Variants in CXADR observed in about 807,000 individuals in gnomAD.
CXADR encodes CXADR cell adhesion molecule, also known as coxsackievirus and adenovirus receptor.
A neutral mutation model predicts 40.3 loss-of-function variants in CXADR; 20 were observed. That is an observed-to-expected ratio of 0.50 (90% CI 0.35 to 0.72). CXADR has a LOEUF of 0.72. Ranked by LOEUF, CXADR falls within the 30% of genes least tolerant of loss-of-function variation. The pLI, the probability that CXADR is intolerant of heterozygous loss-of-function variation, is 0.01. For synonymous variants in CXADR, 150 were observed against 161.3 expected, an observed-to-expected ratio of 0.93 and a Z score of 0.53; for missense variants, 332 against 449.1, an observed-to-expected ratio of 0.74 and a Z score of 2.36.
downstream of CXADR, among the ~76,000 whole-genome samples, chr21:17,598,034 G>A (rs1016885455): frequency 2.6e-5 from 4 of 152,112 alleles, no homozygotes; most frequent in Non-Finnish European, 4.4e-5. Flanking sequence ...TCCTGTTGAA[G>A]AATGCTGTTT....
the CXADR span, among the ~76,000 whole-genome samples, chr21:17,625,661 G>A: frequency 6.6e-6 from 1 of 152,176 alleles, no homozygotes; most frequent in Non-Finnish European, 1.5e-5. Context: ...GATCAAGTCT[G>A]TAGTTTTCAA....
downstream of CXADR, among the ~76,000 whole-genome samples, chr21:17,572,366 C>T (rs1601044020): frequency 6.6e-6 from 1 of 150,392 alleles, no homozygotes; most frequent in African/African-American, 2.5e-5. Flanking sequence ...GGTGAGACTC[C>T]GTCTCAAAAA....
downstream of CXADR, among the ~76,000 whole-genome samples, chr21:17,572,012 G>C (rs1467732306): frequency 6.6e-6 from 1 of 152,092 alleles, no homozygotes; most frequent in East Asian, 1.9e-4. Flanking sequence ...GGACAAATAT[G>C]TGTTCATTAA....
At chr21:17,582,101 T>C (rs1267291208) in intron 7 of CXADR, among the ~76,000 whole-genome samples, 13 of 148,584 alleles carry the variant, frequency 8.7e-5, no homozygotes, top group African/African-American at 3.2e-4. Flanking sequence ...CTGCCACACA[T>C]TTCCTAAGGC....
intron 1 of CXADR, among the ~76,000 whole-genome samples, chr21:17,524,426 G>A (rs955893134): frequency 2.6e-5 from 4 of 151,634 alleles, no homozygotes; most frequent in African/African-American, 9.7e-5. Context: ...GCTGGGCGTG[G>A]TGGTGTGTGC....
At chr21:17,599,318 C>G in the CXADR span, among the ~76,000 whole-genome samples, 9 of 151,774 alleles carry the variant, frequency 5.9e-5, no homozygotes, top group Non-Finnish European at 1.2e-4. Context: ...GAGGCTGGGA[C>G]TACAGGAGTG....
intron 6 of CXADR, among the ~76,000 whole-genome samples, chr21:17,563,872 T>C (rs1295559893): frequency 5.7e-5 from 7 of 122,672 alleles, no homozygotes; most frequent in Admixed American, 2.1e-4. Flanking sequence ...ACCCGGGAGG[T>C]GGAGCTTGCA....
chr21:17,614,172 C>T, the CXADR span: 4 of 151,562 alleles, frequency 2.6e-5, no homozygotes, highest in African/African-American at 9.7e-5. Flanking sequence ...ATATTTACAC[C>T]TTGGAGTCTT....
At chr21:17,539,333 A>C (rs141799186) in intron 1 of CXADR, among the ~76,000 whole-genome samples, 69 of 151,266 alleles carry the variant, frequency 4.6e-4, no homozygotes, top group African/African-American at 1.6e-3. Flanking sequence ...GCCCAGCTTT[A>C]AAACTGTCGC....
At chr21:17,545,408 T>C (rs1026145287) in intron 1 of CXADR, among the ~76,000 whole-genome samples, 5 of 152,206 alleles carry the variant, frequency 3.3e-5, no homozygotes, top group African/African-American at 1.2e-4. Context: ...GATTGTTCAC[T>C]TACAGACTAA....
chr21:17,550,380 G>A lies in CXADR; in HGVS notation c.211-1369G>A, dbSNP rs549339316. The stretch of plus-strand genomic sequence containing the variant: ...AAAAAAAAAAAAAGATCTTTGGTGG[G>A]TTGGGGTGGGGTCAGTGTGGTTGGG... On this transcript the variant is annotated intron_variant, in intron 2 of 6. Coordinates refer to ENST00000284878, the MANE Select transcript of CXADR (RefSeq NM_001338.5). Among the ~76,000 whole-genome samples the A allele has an allele frequency of 3.2e-4, 49 of 151,844 alleles. No homozygotes were observed. In the South Asian group the frequency reaches 9.0e-3, roughly 28 times the overall value.
rs569917142 is a variant in CXADR at position 17,568,767 on chromosome 21, T to G, written c.*3075T>G. ...GGTAATCTTAACTAATATGATTCCC[T>G]TGTTAGAGAGCCTCTCACTCCCCCA... On this transcript the variant is annotated 3_prime_UTR_variant, in exon 7 of 7. Transcript: ENST00000284878. 26 of 985,212 alleles carry G rather than the reference T, an allele frequency of 2.6e-5. No homozygotes were observed. The East Asian group carries it at 2.7e-3, about 103-fold the overall frequency. The allele number at this position is 985,212 out of a possible 1,614,324, so 61.0% of individuals were successfully genotyped here. A position where few individuals can be genotyped will look rare whatever the true frequency, so the allele number is the denominator to read the frequency against.
At chr21:17,629,167 G>C in the CXADR span, among the ~76,000 whole-genome samples, 1 of 152,006 alleles carries the variant, frequency 6.6e-6, no homozygotes, top group African/African-American at 2.4e-5. Context: ...ATCACTTGAA[G>C]CCAGGAGTTT....
At chr21:17,580,742 T>TAA (rs1222675647) in intron 7 of CXADR, among the ~76,000 whole-genome samples, 3 of 152,156 alleles carry the variant, frequency 2.0e-5, no homozygotes, top group African/African-American at 7.2e-5. Flanking sequence ...TTTTAAAAAA[T>TAA]AAAAGTTAAT....
the CXADR span, chr21:17,604,734 A>T: frequency 8.5e-7 from 1 of 1,178,152 alleles, no homozygotes; most frequent in Non-Finnish European, 1.1e-6. Context: ...CATAAAATTT[A>T]CATCTGAGAG....
At chr21:17,520,316 T>TTGGGAGTTGAGTAGTTCAGTGCA (rs1390213167) in intron 1 of CXADR, among the ~76,000 whole-genome samples, 1 of 152,180 alleles carries the variant, frequency 6.6e-6, no homozygotes, top group Non-Finnish European at 1.5e-5. Context: ...TTGATATGTC[T>TTGGGAGTTGAGTAGTTCAGTGCA]TGGGAGTTGA....
intron 1 of CXADR, among the ~76,000 whole-genome samples, chr21:17,546,709 A>AT (rs1400005332): frequency 6.6e-6 from 1 of 152,274 alleles, no homozygotes; most frequent in Non-Finnish European, 1.5e-5. Context: ...CCTTTCAGAG[A>AT]TTCTAGCCAA....
At chr21:17,525,769 C>G (rs1023647949) in intron 1 of CXADR, among the ~76,000 whole-genome samples, 4 of 152,166 alleles carry the variant, frequency 2.6e-5, no homozygotes, top group Non-Finnish European at 4.4e-5. Context: ...TCATTTAGAG[C>G]CACTCTCTTA....
intron 3 of CXADR, among the ~76,000 whole-genome samples, chr21:17,555,451 A>G (rs2061022216): frequency 6.6e-6 from 1 of 152,224 alleles, no homozygotes; most frequent in Non-Finnish European, 1.5e-5. Context: ...TCCATCATCT[A>G]ATTTCCCCTA....
Sources: gnomAD v4.1 joint callset for allele counts (sites outside exome capture counted in the v4.1 genomes callset) on GRCh38, gnomAD v4.1.1 for gene constraint, MANE v1.5 for transcripts, NCBI Gene and HGNC (gene_info 2026-07-23, HGNC 2026-07-21) for gene names.